Variants in MROH2B observed in about 807,000 individuals in gnomAD.
MROH2B encodes the protein maestro heat like repeat family member 2B.
MROH2B carries 177 observed loss-of-function variants against 208.6 expected under a neutral mutation model. The ratio of observed to expected loss-of-function variants is 0.85; its 90% CI spans 0.75 to 0.96. The LOEUF (loss-of-function observed/expected upper bound fraction) is 0.96, where lower values mean the gene tolerates loss of function less well. Among genes scored for constraint, MROH2B ranks in the 40% least tolerant of loss-of-function variants. The pLI is 0.00. For missense variants in MROH2B, 2,002 were observed against 1,878.7 expected, an observed-to-expected ratio of 1.07 and a Z score of -1.21; for synonymous variants, 728 against 659.0, an observed-to-expected ratio of 1.10 and a Z score of -1.60.
Position 41,058,082 on chromosome 5 carries a change from A to C in MROH2B, c.737T>G (p.Ile246Ser). ...WLLNQYKDKE[I>S]DFHVTQSLKQ... The stretch of plus-strand genomic sequence containing the variant: ...TCTTACCTGAGTGACATGGAAATCA[A>C]TCTCTTTGTCTTTATACTGGTTCAG... The change falls in exon 7 of 42, where the codon ATT becomes AGT. Residue 246 changes from isoleucine (I) to serine (S), a missense_variant. Physicochemically the swap from Ile to Ser is moderately radical, Grantham distance 142. Transcript: ENST00000399564. 6.3e-7 allele frequency: 1 copy of C among 1,592,808 alleles called. No individual in the cohort carries two copies. The highest frequency in any genetic ancestry group is 8.5e-7 in the Non-Finnish European group (1 of 1,169,662).
Position 41,015,634 on chromosome 5 carries a change from C to T in MROH2B, c.2885-156G>A, listed in dbSNP as rs143427600. 7.0e-3 allele frequency among the ~76,000 whole-genome samples: 1,063 copies of T among 152,304 alleles called. 9 individuals are homozygous for T. Among genetic ancestry groups the T allele is most frequent in the African/African-American group, 0.022 (919 of 41,572 alleles). On this transcript the variant is annotated intron_variant, in intron 28 of 41. Transcript: ENST00000399564. Reference sequence around the variant, plus strand: ...TACTGAGTGGTTTCTACATGCTGGGCACCATGCAGATACTCTGCATACAAT... The same window carrying T: ...TACTGAGTGGTTTCTACATGCTGGGTACCATGCAGATACTCTGCATACAAT...
chr5:40,998,275 G>A, intron 41 of MROH2B, 117 bp from the exon 42 acceptor site: 2 of 715,608 alleles, frequency 2.8e-6, no homozygotes, highest in Non-Finnish European at 4.8e-6. Context: ...GTGGGGCTCA[G>A]GTCCTCATGC....
chr5:40,998,717 G>C lies in MROH2B; in HGVS notation c.4586-40C>G, dbSNP rs369191810. On this transcript the variant is annotated intron_variant, in intron 40 of 41. Transcript: ENST00000399564. ...AGACCATGTTACTGATTTCATTATA[G>C]AGGAAGAAGCCATGAAAAGTATAGC... is the stretch of plus-strand genomic sequence containing the variant. 46 of 1,506,548 alleles carry C rather than the reference G, an allele frequency of 3.1e-5. No homozygotes were observed. In the African/African-American group the frequency reaches 3.7e-4, roughly 12 times the overall value. The allele number at this position is 1,506,548 out of a possible 1,614,324, so 93.3% of individuals were successfully genotyped here.
chr5:41,067,364 CT>C (rs112350392), intron 2 of MROH2B, 146 bp from the exon 3 acceptor site: 8,599 of 514,266 alleles, frequency 0.017, 481 homozygotes, highest in African/African-American at 0.14. Context: ...TTGAGGCTTT[CT>C]TTTTTTTTTC....
chr5:41,050,405 C>A (rs1392380568), intron 13 of MROH2B, among the ~76,000 whole-genome samples: 1 of 152,142 alleles, frequency 6.6e-6, no homozygotes, highest in Non-Finnish European at 1.5e-5. Context: ...TCCAGTTTTG[C>A]TGATTCAGTA....
At chr5:41,010,671 C>T (rs931973177) in intron 30 of MROH2B, among the ~76,000 whole-genome samples, 7 of 152,182 alleles carry the variant, frequency 4.6e-5, no homozygotes, top group African/African-American at 1.7e-4. Flanking sequence ...TGCAACCACT[C>T]TGTATGATCT....
chr5:41,012,387 C>T (rs933253207), intron 30 of MROH2B, among the ~76,000 whole-genome samples, 196 bp downstream of exon 30: 3 of 152,188 alleles, frequency 2.0e-5, no homozygotes, highest in Non-Finnish European at 4.4e-5. Context: ...TATTAAAAGA[C>T]AAGAGAGGCA....
intron 11 of MROH2B, among the ~76,000 whole-genome samples, chr5:41,053,058 C>A (rs1743334675): frequency 1.3e-5 from 2 of 152,126 alleles, no homozygotes; most frequent in African/African-American, 4.8e-5. Context: ...CTCCTTGGCT[C>A]TCAAAGGCAT....
chr5:41,033,982 C>A (rs1488890389), intron 21 of MROH2B, 118 bp from the exon 22 acceptor site: 3 of 1,476,364 alleles, frequency 2.0e-6, no homozygotes, highest in Non-Finnish European at 1.8e-6. Context: ...GGAGGTAGAG[C>A]CTTGCCAAGG....
At chr5:41,069,850 C>CCT (rs35526955) in intron 1 of MROH2B, 98 bp from the exon 2 acceptor site, 252 of 768,960 alleles carry the variant, frequency 3.3e-4, no homozygotes, top group Non-Finnish European at 4.3e-4. Context: ...ATTCATTTAT[C>CCT]CTCTCTCTCT....
Position 41,004,439 on chromosome 5 carries a change from C to T in MROH2B, c.4101G>A (p.Lys1367=). 2 of 1,613,978 alleles carry T rather than the reference C, an allele frequency of 1.2e-6. No homozygotes were observed. The highest frequency in any genetic ancestry group is 1.7e-6 in the Non-Finnish European group (2 of 1,179,878). ...ARTEVVCESL[K]ALKKILELLT... ...GCAGCTCCAGGATTTTTTTTAGAGC[C>T]TTCAAGCTTTCACAGACGACTTCAG... The change falls in exon 37 of 42, where the codon AAG becomes AAA. Residue 1367 remains lysine, a synonymous_variant. Transcript: ENST00000399564.
rs1454332034 is a variant in MROH2B, at chr5:41,033,066, T to C, written c.2336A>G (p.Lys779Arg). 1.2e-6 allele frequency: 2 copies of C among 1,613,074 alleles called. No homozygotes were observed. The highest frequency in any genetic ancestry group is 1.7e-5 in the Admixed American group (1 of 59,836). Residue 779 changes from lysine (K) to arginine (R), a missense_variant, in exon 23 of 42, where the codon AAG (lysine) becomes AGG (arginine). Transcript: ENST00000399564. ...CAGCATGTAACCAATCAGCATCTCCTTGTAGGAAAACTGGAACCCCTGATC... is the reference window on the plus strand; with the variant it reads ...CAGCATGTAACCAATCAGCATCTCCCTGTAGGAAAACTGGAACCCCTGATC... ...AEDQGFQFSY[K>R]EMLIGYMLDF...
In MROH2B at chr5:41,065,404, T is replaced by G. The variant is rs1743771126; in HGVS notation, c.288A>C (p.Gln96His). 3.1e-6 allele frequency: 5 copies of G among 1,613,476 alleles called. No individual in the cohort carries two copies. In the South Asian group the frequency reaches 3.3e-5, roughly 11 times the overall value. The change falls in exon 4 of 42, where the codon CAA becomes CAC. Residue 96 changes from glutamine to histidine, a missense_variant. By Grantham distance (24) the Gln-to-His change is conservative (BLOSUM62 0). Transcript: ENST00000399564. ...GTAGCTCTAAGATCCTGAAGTTACT[T>G]TGTACTTCATACATCACAGAGTTGA... is the stretch of plus-strand genomic sequence containing the variant. ...HDFNSVMYEV[Q>H]SNFRILELPD...
At chr5:41,052,658 C>G (rs1743321794) in intron 11 of MROH2B, 71 bp from the exon 12 acceptor site, 2 of 1,384,068 alleles carry the variant, frequency 1.4e-6, no homozygotes, top group Non-Finnish European at 1.9e-6. Flanking sequence ...TTATTTTATT[C>G]TATAATCTTA....
At chr5:41,005,408 A>G (rs1373021751) in intron 35 of MROH2B, 123 bp downstream of exon 35, 2 of 280,824 alleles carry the variant, frequency 7.1e-6, no homozygotes, top group South Asian at 2.6e-5. Context: ...TCTCTCCTCT[A>G]TGAAACCCCC....
intron 38 of MROH2B, 44 bp downstream of exon 38, chr5:41,000,634 C>T: frequency 6.3e-7 from 1 of 1,574,866 alleles, no homozygotes; most frequent in African/African-American, 1.4e-5. Context: ...ACTTCTCAGC[C>T]ATGGGGAGAG....
At chr5:41,003,234 T>A (rs1341266033) in intron 37 of MROH2B, among the ~76,000 whole-genome samples, 1 of 152,162 alleles carries the variant, frequency 6.6e-6, no homozygotes, top group Non-Finnish European at 1.5e-5. Context: ...GTGCTGGGAT[T>A]ACAGGCGTGA....
intron 21 of MROH2B, among the ~76,000 whole-genome samples, chr5:41,034,517 G>T (rs1397872484): frequency 6.6e-6 from 1 of 151,940 alleles, no homozygotes; most frequent in Non-Finnish European, 1.5e-5. Flanking sequence ...ATCCAAATCT[G>T]GTATTATAAC....
chr5:41,035,308 GACA>G (rs1251280030), intron 21 of MROH2B, among the ~76,000 whole-genome samples: 2 of 151,928 alleles, frequency 1.3e-5, no homozygotes, highest in Admixed American at 1.3e-4. Context: ...TGACAAGGCT[GACA>G]ACAACAACAA....
Sources: allele counts gnomAD v4.1 joint callset (sites outside exome capture counted in the v4.1 genomes callset), GRCh38; gene constraint gnomAD v4.1.1; transcripts MANE v1.5; gene names NCBI Gene and HGNC (gene_info 2026-07-23, HGNC 2026-07-21).